The following AR variants were observed in gnomAD, a reference collection of about 807,000 sequenced individuals.
AR encodes androgen receptor.
In AR, 8 loss-of-function variants were observed where a neutral mutation model predicts 53.9. The ratio of observed to expected loss-of-function variants is 0.15; its 90% CI spans 0.09 to 0.27. The LOEUF is 0.27. AR is among the 10% of genes least tolerant of loss of function. The pLI is 1.00. For missense variants in AR, 639 were observed against 742.5 expected (o/e 0.86, Z 1.62); for synonymous variants, 359 against 316.4 (o/e 1.13, Z -1.43).
rs140808887 is a variant in AR, at chrX:67,729,765, C to G, written c.*5924C>G. 72 of 172,191 alleles carry G rather than the reference C, an allele frequency of 4.2e-4. No homozygotes were observed. The highest frequency in any genetic ancestry group is 1.8e-3 in the Middle Eastern group (1 of 549). 14.2% of individuals were successfully genotyped at this position (172,191 alleles called of 1,213,427 possible). On this transcript the variant is annotated 3_prime_UTR_variant, in exon 8 of 8. Transcript: ENST00000374690. ...ACATATCCATACACCAAAGGAAAGACAATTCTGAAATGCTGTTTCTCTGGT... is the reference window on the plus strand; with the variant it reads ...ACATATCCATACACCAAAGGAAAGAGAATTCTGAAATGCTGTTTCTCTGGT...
At chrX:67,634,822 A>G (rs1036736508) in intron 1 of AR, among the ~76,000 whole-genome samples, 11 of 111,828 alleles carry the variant, frequency 9.8e-5, no homozygotes, top group African/African-American at 3.6e-4. Context: ...TTAAAAAGTC[A>G]TGTAGGGATG....
chrX:67,660,260 T>C (rs1429065398), intron 2 of AR, among the ~76,000 whole-genome samples: 10 of 112,290 alleles, frequency 8.9e-5, no homozygotes, highest in African/African-American at 3.2e-4. Context: ...GCCATTGCTT[T>C]TGGTGTTTTA....
chrX:67,644,914 C>G (rs766545738), intron 2 of AR, among the ~76,000 whole-genome samples: 3 of 111,366 alleles, frequency 2.7e-5, no homozygotes, highest in Non-Finnish European at 5.7e-5. Flanking sequence ...GAGAGCAGTG[C>G]CTTCCTTTCT....
intron 3 of AR, among the ~76,000 whole-genome samples, chrX:67,692,595 C>T (rs1271309992): frequency 8.9e-6 from 1 of 112,080 alleles, no homozygotes; most frequent in Non-Finnish European, 1.9e-5. Context: ...ATCTTGATGT[C>T]CTTGCACAAA....
At chrX:67,660,632 T>G (rs1929413400) in intron 2 of AR, among the ~76,000 whole-genome samples, 1 of 111,879 alleles carries the variant, frequency 8.9e-6, no homozygotes, top group African/African-American at 3.2e-5. Flanking sequence ...TAGTATAGTT[T>G]GAAGTCAGAT....
At chrX:67,574,033 C>G (rs1028583555) in intron 1 of AR, among the ~76,000 whole-genome samples, 4 of 111,794 alleles carry the variant, frequency 3.6e-5, no homozygotes, top group African/African-American at 9.8e-5. Flanking sequence ...CATTCTCCAG[C>G]TTATATTTTC....
chrX:67,561,229 T>A (rs1400112551), intron 1 of AR, among the ~76,000 whole-genome samples: 1 of 111,895 alleles, frequency 8.9e-6, no homozygotes, highest in Non-Finnish European at 1.9e-5. Context: ...GTGTACACAG[T>A]AGGTATTCCA....
intron 1 of AR, among the ~76,000 whole-genome samples, chrX:67,595,993 C>T (rs541521780): frequency 1.8e-5 from 2 of 110,495 alleles, no homozygotes; most frequent in African/African-American, 6.6e-5. Flanking sequence ...ATCATGAGGG[C>T]AGTTTTTTCA....
intron 1 of AR, among the ~76,000 whole-genome samples, chrX:67,615,213 C>T (rs1924061797): frequency 9.1e-6 from 1 of 110,472 alleles, no homozygotes; most frequent in Non-Finnish European, 1.9e-5. Context: ...AAACATCAAC[C>T]TACACATCAA....
chrX:67,709,726 G>A (rs1252483206), intron 3 of AR, among the ~76,000 whole-genome samples: 12 of 112,135 alleles, frequency 1.1e-4, no homozygotes, highest in African/African-American at 1.3e-4. Flanking sequence ...CATCTTCTGC[G>A]TCACTCACGC....
At position 67,551,835 on chromosome X, in the gene AR, A is replaced by G. The variant is rs559035238; in HGVS notation, c.1616+5073A>G. Among the ~76,000 whole-genome samples the G allele has an allele frequency of 1.7e-3, 188 of 111,482 alleles. 2 individuals are homozygous for G. The South Asian group carries it at 0.068, about 40-fold the overall frequency. On this transcript the variant is annotated intron_variant, in intron 1 of 7. Transcript: ENST00000374690. ...ACATAGAGATGATTGTCCGTGAATT[A>G]TTGCTTGCACACTCATGGGTGATGC... is the stretch of plus-strand genomic sequence containing the variant.
Position 67,682,451 on chromosome X carries a change from AT to A in AR, c.1769-3548del, listed in dbSNP as rs368676022. Among the ~76,000 whole-genome samples, 756 of 103,977 alleles carry A rather than the reference AT, an allele frequency of 7.3e-3. 4 individuals are homozygous for A. The highest frequency in any genetic ancestry group is 0.019 in the African/African-American group (551 of 28,640). The allele number at this position is 103,977 out of a possible 115,157, so 90.3% of individuals were successfully genotyped here. A position where few individuals can be genotyped will look rare whatever the true frequency, so the allele number is the denominator to read the frequency against. ...AGGTGCACACCACCACACCTAGCTA[AT>A]TTTTTTTTTTCATTTTTTTATAGAG... On this transcript the variant is annotated intron_variant, in intron 2 of 7. Transcript: ENST00000374690.
chrX:67,623,994 C>G (rs1383326111), intron 1 of AR, among the ~76,000 whole-genome samples: 1 of 110,746 alleles, frequency 9.0e-6, no homozygotes, highest in Non-Finnish European at 1.9e-5. Context: ...AAATTTACAT[C>G]AGGTGAAAGG....
At chrX:67,578,357 C>T (rs1922147721) in intron 1 of AR, among the ~76,000 whole-genome samples, 2 of 111,594 alleles carry the variant, frequency 1.8e-5, no homozygotes, top group African/African-American at 6.5e-5. Flanking sequence ...ACCAAATGTA[C>T]TTTTTATTTA....
chrX:67,587,404 T>C (rs1007782983), intron 1 of AR, among the ~76,000 whole-genome samples: 1 of 112,831 alleles, frequency 8.9e-6, no homozygotes, highest in Admixed American at 9.3e-5. Context: ...ACAAGCAGCC[T>C]TAAAGTTTGG....
chrX:67,719,158 G>A (rs2076125674), intron 5 of AR, among the ~76,000 whole-genome samples: 1 of 111,882 alleles, frequency 8.9e-6, no homozygotes, highest in Non-Finnish European at 1.9e-5. Context: ...AACCCTGCCA[G>A]CCTGGTAGCC....
chrX:67,642,512 A>T (rs1222189111), intron 1 of AR, among the ~76,000 whole-genome samples: 2 of 111,430 alleles, frequency 1.8e-5, no homozygotes, highest in East Asian at 5.7e-4. Flanking sequence ...AGCCTAAAAG[A>T]TGTCCAGAAT....
chrX:67,673,725 A>G (rs1335967415), intron 2 of AR, among the ~76,000 whole-genome samples: 3 of 110,269 alleles, frequency 2.7e-5, no homozygotes, highest in African/African-American at 9.9e-5. Flanking sequence ...AATTTCCTCA[A>G]CACAACTATT....
chrX:67,585,924 A>G (rs1356408495), intron 1 of AR, among the ~76,000 whole-genome samples: 1 of 111,949 alleles, frequency 8.9e-6, no homozygotes, highest in African/African-American at 3.3e-5. Flanking sequence ...TACCTTTTTT[A>G]TATTTGCATC....
Sources: gnomAD v4.1 joint callset for allele counts (sites outside exome capture counted in the v4.1 genomes callset) on GRCh38, gnomAD v4.1.1 for gene constraint, MANE v1.5 for transcripts, NCBI Gene and HGNC (gene_info 2026-07-23, HGNC 2026-07-21) for gene names.